KLRG1: variants seen among roughly 807,000 people sequenced by gnomAD.
KLRG1 encodes killer cell lectin-like receptor subfamily G member 1.
KLRG1 carries 16 observed loss-of-function variants against 21.8 expected under a neutral mutation model. That is an observed-to-expected ratio of 0.73 (90% CI 0.50 to 1.11). The LOEUF is 1.11. KLRG1 is among the 50% of genes most tolerant of loss of function. The probability of loss-of-function intolerance (pLI) is 0.00; values close to 1 mark genes in which losing one functional copy is unlikely to be tolerated. For missense variants in KLRG1, 173 were observed against 218.3 expected (o/e 0.79, Z 1.31); for synonymous variants, 69 against 75.9 (o/e 0.91, Z 0.47).
At chr12:9,154,730 G>A in the KLRG1 span, 11 of 1,613,970 alleles carry the variant, frequency 6.8e-6, no homozygotes, top group South Asian at 2.2e-5. Context: ...TGAGATAAGC[G>A]AGGAGCACAT....
chr12:9,160,561 GGCC>G, the KLRG1 span: 1 of 1,406,954 alleles, frequency 7.1e-7, no homozygotes, highest in Non-Finnish European at 9.7e-7. Context: ...TAACAAAAAT[GGCC>G]TTTATATTCA....
chr12:9,021,103 T>C, the KLRG1 span, among the ~76,000 whole-genome samples: 1 of 152,122 alleles, frequency 6.6e-6, no homozygotes, highest in Non-Finnish European at 1.5e-5. Context: ...AGATAAAAAA[T>C]GGTACACCTG....
intron 3 of KLRG1, among the ~76,000 whole-genome samples, chr12:8,996,161 A>ATGTG (rs368103228): frequency 6.6e-6 from 1 of 151,136 alleles, no homozygotes; most frequent in Non-Finnish European, 1.5e-5. Context: ...GTGCACGTGC[A>ATGTG]TGTGTGTGTG....
the KLRG1 span, among the ~76,000 whole-genome samples, chr12:9,085,352 CAGG>C: frequency 6.6e-6 from 1 of 151,878 alleles, no homozygotes; most frequent in East Asian, 1.9e-4. Context: ...AAATGAGTAA[CAGG>C]AGGAATTAGA....
chr12:9,170,989 A>G, the KLRG1 span, among the ~76,000 whole-genome samples: 2 of 152,180 alleles, frequency 1.3e-5, no homozygotes, highest in African/African-American at 2.4e-5. This position sits in a 1 kb window ranked among gnomAD's most constrained non-coding sequence, Gnocchi z 4.6. Context: ...CACCTGCTCT[A>G]CCAAAAAGCA....
chr12:9,138,630 G>A, the KLRG1 span, among the ~76,000 whole-genome samples: 1 of 151,734 alleles, frequency 6.6e-6, no homozygotes, highest in Non-Finnish European at 1.5e-5. Context: ...TCTGATCCTG[G>A]GTTTTTATTT....
chr12:9,029,468 G>T, the KLRG1 span, among the ~76,000 whole-genome samples: 1 of 151,974 alleles, frequency 6.6e-6, no homozygotes, highest in Non-Finnish European at 1.5e-5. Context: ...CATCTGCCTT[G>T]GCCTCCCAAA....
At chr12:8,974,093 T>C (rs1443719147) in intron 1 of KLRG1, among the ~76,000 whole-genome samples, 2 of 152,170 alleles carry the variant, frequency 1.3e-5, no homozygotes, top group African/African-American at 2.4e-5. Flanking sequence ...ATGGAAATAG[T>C]GAGAATGACA....
At chr12:9,165,937 G>T in the KLRG1 span, 1 of 1,281,336 alleles carries the variant, frequency 7.8e-7, no homozygotes, top group Non-Finnish European at 1.1e-6. Flanking sequence ...TCCTAAAGAG[G>T]AAGAGGTTAA....
At chr12:8,964,631 T>C (rs1946435174) in intron 1 of KLRG1, among the ~76,000 whole-genome samples, 2 of 150,824 alleles carry the variant, frequency 1.3e-5, no homozygotes, top group Admixed American at 6.6e-5. Context: ...ATGTTGACAG[T>C]GGGGTGTTAA....
the KLRG1 span, chr12:9,196,405 G>C: frequency 1.2e-6 from 2 of 1,613,516 alleles, no homozygotes; most frequent in Non-Finnish European, 1.7e-6. Context: ...CAATGTTTGT[G>C]ATTTCACTGA....
At chr12:9,083,257 G>A in the KLRG1 span, among the ~76,000 whole-genome samples, 19 of 152,054 alleles carry the variant, frequency 1.2e-4, no homozygotes, top group African/African-American at 4.3e-4. Context: ...AGGGGATGGG[G>A]GAGGGATAGC....
At chr12:9,091,863 T>G in the KLRG1 span, among the ~76,000 whole-genome samples, 1 of 152,250 alleles carries the variant, frequency 6.6e-6, no homozygotes, top group African/African-American at 2.4e-5. Flanking sequence ...TAGGTCCTTA[T>G]GCCCATTTTC....
At chr12:9,049,441 A>C in the KLRG1 span, among the ~76,000 whole-genome samples, 1 of 152,150 alleles carries the variant, frequency 6.6e-6, no homozygotes, top group African/African-American at 2.4e-5. Context: ...GTCATATTTT[A>C]TTTACAAAAA....
chr12:9,043,305 T>A, the KLRG1 span, among the ~76,000 whole-genome samples: 1 of 152,228 alleles, frequency 6.6e-6, no homozygotes. Flanking sequence ...CTTGAACTCC[T>A]GACCTCAGGT....
the KLRG1 span, chr12:9,036,815 C>T: frequency 2.4e-5 from 10 of 418,754 alleles, no homozygotes; most frequent in South Asian, 1.7e-4. Flanking sequence ...TCTTTGGTTA[C>T]GAGGGCTGGC....
chr12:9,067,498 C>T, the KLRG1 span: 1 of 400,082 alleles, frequency 2.5e-6, no homozygotes, highest in East Asian at 5.4e-5. Context: ...TAACCAAACA[C>T]ACTTTACACT....
At chr12:9,125,706 A>G in the KLRG1 span, among the ~76,000 whole-genome samples, 3 of 152,208 alleles carry the variant, frequency 2.0e-5, no homozygotes, top group African/African-American at 4.8e-5. Context: ...GAGTTTTAAA[A>G]TAGTGCGTGT....
chr12:9,128,962 T>C, the KLRG1 span, among the ~76,000 whole-genome samples: 3 of 152,204 alleles, frequency 2.0e-5, no homozygotes, highest in Non-Finnish European at 2.9e-5. Flanking sequence ...ACCAGAGTAC[T>C]ACACACCTGG....
Sources: allele counts gnomAD v4.1 joint callset (sites outside exome capture counted in the v4.1 genomes callset), GRCh38; gene constraint gnomAD v4.1.1; non-coding constraint Gnocchi (gnomAD v3.1); transcripts MANE v1.5; gene names NCBI Gene and HGNC (gene_info 2026-07-23, HGNC 2026-07-21).